Variants in GHRHR observed in about 807,000 individuals in gnomAD.
The protein encoded by GHRHR is growth hormone-releasing hormone receptor.
A neutral mutation model predicts 58.3 loss-of-function variants in GHRHR; 40 were observed. The observed-to-expected ratio is 0.69, with a 90% confidence interval of 0.53 to 0.89. The LOEUF (loss-of-function observed/expected upper bound fraction) is 0.89. Among genes scored for constraint, GHRHR ranks in the 40% least tolerant of loss-of-function variants. The pLI, the probability that GHRHR is intolerant of heterozygous loss-of-function variation, is 0.00. For synonymous variants in GHRHR, 249 were observed against 216.6 expected (o/e 1.15, Z -1.31); for missense variants, 551 against 541.3 (o/e 1.02, Z -0.18).
rs1268995936 is a variant in GHRHR at position 30,976,732 on chromosome 7, C to G, written c.1104+174C>G. Among the ~76,000 whole-genome samples, 14 of 152,130 alleles carry G rather than the reference C, an allele frequency of 9.2e-5. 1 individual carries two copies. The highest frequency in any genetic ancestry group is 9.2e-4 in the Admixed American group (14 of 15,274). Reference sequence around the variant, plus strand: ...GCCACCCATCTACGTATTCAACTACCCATGCATTCTTCCATCCATCCATCC... The same window carrying G: ...GCCACCCATCTACGTATTCAACTACGCATGCATTCTTCCATCCATCCATCC... On this transcript the variant is annotated intron_variant, in intron 11 of 12. Coordinates refer to ENST00000326139, the MANE Select transcript of GHRHR (RefSeq NM_000823.4).
Position 30,977,264 on chromosome 7 carries a change from C to T in GHRHR, c.1105-17C>T, listed in dbSNP as rs1372400703. 3 of 1,613,404 alleles carry T rather than the reference C, an allele frequency of 1.9e-6. No individual in the cohort carries two copies. The South Asian group carries it at 3.3e-5, about 18-fold the overall frequency. On this transcript the variant is annotated splice_polypyrimidine_tract_variant and intron_variant, in intron 11 of 12. Transcript: ENST00000326139. ...GCCAAAGGGTTCTGATGGGGTCTTT[C>T]TTCTTTGGACCCACAGGGCTTCATT...
chr7:30,976,575 G>C lies in GHRHR; in HGVS notation c.1104+17G>C. On this transcript the variant is annotated intron_variant, in intron 11 of 12. Coordinates refer to ENST00000326139, the MANE Select transcript of GHRHR (RefSeq NM_000823.4). ...TCCTTCCAGGTGAGGGCCCCCACAG[G>C]CACTCTTTCTTTCCATTGAGGGTGC... The C allele has an allele frequency of 6.2e-7, 1 of 1,610,628 alleles. No individual in the cohort carries two copies. The highest frequency in any genetic ancestry group is 8.5e-7 in the Non-Finnish European group (1 of 1,177,994).
rs373795161 is a variant in GHRHR, at chr7:30,974,216, T to C, written c.751+78T>C. ...CCCAGGGAGTTTACATAAAGGCCCC[T>C]CCACCTCACTCTGAGGCCCAGAGAA... is the stretch of plus-strand genomic sequence containing the variant. On this transcript the variant is annotated intron_variant, in intron 7 of 12. Transcript: ENST00000326139. The C allele has an allele frequency of 4.3e-4, 616 of 1,424,708 alleles. No homozygotes were observed. In the East Asian group the frequency reaches 8.6e-3, roughly 20 times the overall value. The allele number at this position is 1,424,708 out of a possible 1,614,324, so 88.3% of individuals were successfully genotyped here.
intron 1 of GHRHR, among the ~76,000 whole-genome samples, chr7:30,966,371 T>C (rs1792351815): frequency 8.1e-6 from 1 of 124,204 alleles, no homozygotes; most frequent in South Asian, 2.7e-4. Context: ...ACATGGATCC[T>C]GCTAGACATT....
intron 5 of GHRHR, 55 bp downstream of exon 5, chr7:30,971,271 A>C: frequency 1.2e-6 from 1 of 810,250 alleles, no homozygotes; most frequent in Non-Finnish European, 2.1e-6. Flanking sequence ...TATTTCCCAG[A>C]GGGTCAAGTC....
At chr7:30,965,275 G>A (rs1017702627) in intron 1 of GHRHR, among the ~76,000 whole-genome samples, 31 of 152,314 alleles carry the variant, frequency 2.0e-4, no homozygotes, top group African/African-American at 7.2e-4. Flanking sequence ...GATGGTGCTA[G>A]TACCAAAGCT....
intron 12 of GHRHR, among the ~76,000 whole-genome samples, chr7:30,978,523 C>A (rs11761979): frequency 0.17 from 25,690 of 152,140 alleles, 2,616 homozygotes; most frequent in Non-Finnish European, 0.23. Flanking sequence ...CACCACAACC[C>A]CAGTTCGGCT....
chr7:30,973,785 C>A (rs762209074), intron 6 of GHRHR, among the ~76,000 whole-genome samples, 200 bp from the exon 7 acceptor site: 3 of 152,154 alleles, frequency 2.0e-5, no homozygotes, highest in African/African-American at 7.2e-5. Context: ...AAATTAGAAG[C>A]CAGGCTGTCT....
chr7:30,976,377 A>G, intron 10 of GHRHR, 52 bp from the exon 11 acceptor site: 1 of 1,576,882 alleles, frequency 6.3e-7, no homozygotes, highest in Non-Finnish European at 8.7e-7. Flanking sequence ...TGAAGTGCAC[A>G]CGACAGTTTC....
At position 30,979,111 on chromosome 7, in the gene GHRHR, C is replaced by T. The variant is rs754645793; in HGVS notation, c.1147-8C>T. The T allele has an allele frequency of 3.4e-5, 55 of 1,613,260 alleles. No homozygotes were observed. The highest frequency in any genetic ancestry group is 4.1e-5 in the Non-Finnish European group (48 of 1,179,398). ...ACCTTCCTAACGTCCTCTTCCTTGT[C>T]CCTGGAGGTGAGGACTGAGATCTCA... On this transcript the variant is annotated splice_polypyrimidine_tract_variant and splice_region_variant and intron_variant, in intron 12 of 12. Coordinates refer to ENST00000326139, the MANE Select transcript of GHRHR (RefSeq NM_000823.4).
chr7:30,967,175 G>T (rs187699226), intron 1 of GHRHR, among the ~76,000 whole-genome samples: 2 of 152,308 alleles, frequency 1.3e-5, no homozygotes, highest in East Asian at 1.9e-4. Context: ...TGGCCTGCTG[G>T]GCGATCAGTT....
intron 11 of GHRHR, among the ~76,000 whole-genome samples, chr7:30,976,909 C>T (rs1445916157): frequency 6.7e-6 from 1 of 149,356 alleles, no homozygotes; most frequent in Admixed American, 6.7e-5. Context: ...CCCACCCACC[C>T]ATCTATACAT....
chr7:30,968,732 A>C, intron 1 of GHRHR, 102 bp from the exon 2 acceptor site: 1 of 763,718 alleles, frequency 1.3e-6, no homozygotes, highest in Non-Finnish European at 2.3e-6. Context: ...ATTAGGGCAC[A>C]GATATGAATC....
chr7:30,970,757 T>G (rs929315868), intron 4 of GHRHR, among the ~76,000 whole-genome samples: 6 of 152,230 alleles, frequency 3.9e-5, no homozygotes, highest in Admixed American at 3.9e-4. Flanking sequence ...TACATTGTGT[T>G]CCCAAGCTGG....
chr7:30,964,794 G>C (rs1173043030), intron 1 of GHRHR, among the ~76,000 whole-genome samples: 2 of 152,188 alleles, frequency 1.3e-5, no homozygotes, highest in Non-Finnish European at 2.9e-5. Flanking sequence ...GGGGCATCAG[G>C]AGAGAGGGCC....
intron 1 of GHRHR, among the ~76,000 whole-genome samples, chr7:30,968,540 T>C (rs977116338): frequency 2.6e-5 from 4 of 151,780 alleles, no homozygotes; most frequent in Non-Finnish European, 4.4e-5. Context: ...CTTCCTGAGC[T>C]GTGAAATGGA....
Position 30,969,960 on chromosome 7 carries a change from A to G in GHRHR, c.362A>G (p.Glu121Gly), listed in dbSNP as rs1035084370. 3 of 1,187,728 alleles carry G rather than the reference A, an allele frequency of 2.5e-6. No homozygotes were observed. Among genetic ancestry groups the G allele is most frequent in the Non-Finnish European group, 3.8e-6 (3 of 789,744 alleles). 73.6% of individuals were successfully genotyped at this position (1,187,728 alleles called of 1,614,324 possible). Reference protein sequence around the residue: ...ACPVPLELLAEEESYFSTVKI... With the variant: ...ACPVPLELLAGEESYFSTVKI... ...CCTGTGCCTCTGGAGCTGCTGGCTG[A>G]GGAGGTAAGAGTCTTCTGGCATCTT... Residue 121 changes from glutamate to glycine, a missense_variant, in exon 4 of 13, where the codon GAG (glutamate) becomes GGG (glycine). Physicochemically the swap from Glu to Gly is moderately conservative, Grantham distance 98 (BLOSUM62 -2). Coordinates refer to ENST00000326139, the MANE Select transcript of GHRHR (RefSeq NM_000823.4).
In GHRHR at chr7:30,974,490, G is replaced by T; in HGVS notation, c.812+1G>T. ...GCAAACTGGCCTTCGAGGACATCGC[G>T]TGAGTCGGAGCGGCCACCTTGTCAT... On this transcript the variant is annotated splice_donor_variant, in intron 8 of 12. Coordinates refer to ENST00000326139, the MANE Select transcript of GHRHR (RefSeq NM_000823.4). LOFTEE classifies it high-confidence loss of function. 1 of 1,607,862 alleles carries T rather than the reference G, an allele frequency of 6.2e-7. No homozygotes were observed. Among genetic ancestry groups the T allele is most frequent in the Non-Finnish European group, 8.5e-7 (1 of 1,174,212 alleles).
At chr7:30,966,789 C>T (rs1452362379) in intron 1 of GHRHR, among the ~76,000 whole-genome samples, 2 of 152,134 alleles carry the variant, frequency 1.3e-5, no homozygotes, top group East Asian at 3.8e-4. Flanking sequence ...ATTACAGGAG[C>T]GTGTCATCAC....
Sources: allele counts gnomAD v4.1 joint callset (sites outside exome capture counted in the v4.1 genomes callset), GRCh38; gene constraint gnomAD v4.1.1; transcripts MANE v1.5; gene names NCBI Gene and HGNC (gene_info 2026-07-23, HGNC 2026-07-21).